Variants in STXBP4 observed in about 807,000 individuals in gnomAD.
STXBP4 encodes syntaxin binding protein 4.
STXBP4 carries 55 observed loss-of-function variants against 76.1 expected under a neutral mutation model. That is an observed-to-expected ratio of 0.72 (90% confidence interval 0.58 to 0.91). The LOEUF (loss-of-function observed/expected upper bound fraction) is 0.91. Ranked by LOEUF, STXBP4 falls within the 40% of genes least tolerant of loss-of-function variation. STXBP4 has a pLI of 0.00. For synonymous variants in STXBP4, 201 were observed against 220.2 expected (o/e 0.91, Z 0.77); for missense variants, 618 against 636.9 (o/e 0.97, Z 0.32).
At chr17:55,088,100 A>G (rs1260385133) in intron 16 of STXBP4, among the ~76,000 whole-genome samples, 1 of 152,242 alleles carries the variant, frequency 6.6e-6, no homozygotes, top group African/African-American at 2.4e-5. Flanking sequence ...TTTGTATGAC[A>G]TAGCTTTTCA....
intron 16 of STXBP4, among the ~76,000 whole-genome samples, chr17:55,099,471 G>T (rs1255529218): frequency 2.0e-5 from 3 of 152,188 alleles, no homozygotes; most frequent in Non-Finnish European, 4.4e-5. Flanking sequence ...CTTCAAGTAT[G>T]TATAGCAGAA....
chr17:55,136,968 T>C (rs552573637), intron 16 of STXBP4, among the ~76,000 whole-genome samples: 1 of 152,228 alleles, frequency 6.6e-6, no homozygotes, highest in Non-Finnish European at 1.5e-5. Context: ...AATGGTCTCC[T>C]TTCGTATATC....
intron 16 of STXBP4, among the ~76,000 whole-genome samples, chr17:55,137,282 T>G: frequency 8.8e-6 from 1 of 112,996 alleles, no homozygotes; most frequent in Non-Finnish European, 1.8e-5. Flanking sequence ...GTTCCCTCCC[T>G]CCCTCCCTCC....
At chr17:55,115,891 A>G (rs192535445) in intron 16 of STXBP4, among the ~76,000 whole-genome samples, 7 of 151,996 alleles carry the variant, frequency 4.6e-5, no homozygotes, top group Non-Finnish European at 7.4e-5. Context: ...ACTAAATTTG[A>G]CTAATCAGAC....
intron 9 of STXBP4, among the ~76,000 whole-genome samples, chr17:55,032,716 G>A (rs2078531047): frequency 6.6e-6 from 1 of 152,172 alleles, no homozygotes; most frequent in African/African-American, 2.4e-5. Context: ...CCAGCTGCAA[G>A]GGAGTTTGTG....
At chr17:55,085,122 A>G (rs1470749975) in intron 16 of STXBP4, among the ~76,000 whole-genome samples, 1 of 148,434 alleles carries the variant, frequency 6.7e-6, no homozygotes, top group Non-Finnish European at 1.5e-5. Flanking sequence ...AAAACCAAAC[A>G]CCGCATATTC....
At position 55,167,289 on chromosome 17, in the gene STXBP4, C is replaced by T. The variant is rs2080381733; in HGVS notation, c.*7378C>T. 6.6e-6 allele frequency: 1 copy of T among 152,116 alleles called. No homozygotes were observed. Among genetic ancestry groups the T allele is most frequent in the Non-Finnish European group, 1.5e-5 (1 of 68,024 alleles). The allele number at this position is 152,116 out of a possible 1,614,324, so 9.4% of individuals were successfully genotyped here. A position where few individuals can be genotyped will look rare whatever the true frequency, so the allele number is the denominator to read the frequency against. ...TTTATTTCTCATGCAAGACATGACA[C>T]AGTAAAATCTAATAAAAGTTTACAA... is the stretch of plus-strand genomic sequence containing the variant. On this transcript the variant is annotated 3_prime_UTR_variant, in exon 18 of 18. Transcript: ENST00000376352.
At chr17:55,061,792 A>G (rs939354046) in intron 12 of STXBP4, among the ~76,000 whole-genome samples, 2 of 152,180 alleles carry the variant, frequency 1.3e-5, no homozygotes, top group Non-Finnish European at 2.9e-5. Context: ...GGATTCGTCT[A>G]GATTCTTGTG....
At chr17:55,086,018 C>T (rs2079322214) in intron 16 of STXBP4, among the ~76,000 whole-genome samples, 1 of 152,044 alleles carries the variant, frequency 6.6e-6, no homozygotes, top group Admixed American at 6.6e-5. Context: ...TGGAGGGAAA[C>T]ACCTGCACAG....
intron 13 of STXBP4, among the ~76,000 whole-genome samples, chr17:55,075,239 T>C (rs1386148134): frequency 6.6e-6 from 1 of 152,162 alleles, no homozygotes; most frequent in African/African-American, 2.4e-5. Flanking sequence ...CTTAACAATA[T>C]GTTGTTTAGT....
At chr17:55,149,007 AG>A (rs1207028638) in intron 17 of STXBP4, among the ~76,000 whole-genome samples, 2 of 152,218 alleles carry the variant, frequency 1.3e-5, no homozygotes, top group African/African-American at 4.8e-5. Flanking sequence ...CTAGATAAGG[AG>A]AATATGTGTA....
At chr17:55,075,321 C>T (rs571984878) in intron 13 of STXBP4, among the ~76,000 whole-genome samples, 3 of 152,138 alleles carry the variant, frequency 2.0e-5, no homozygotes, top group South Asian at 2.1e-4. Context: ...TTTCTTCACT[C>T]GACATTTTGT....
chr17:55,047,185 C>CGTGT (rs34336794), intron 12 of STXBP4, 31 bp downstream of exon 12: 13,063 of 806,852 alleles, frequency 0.016, 172 homozygotes, highest in African/African-American at 0.072. Context: ...TATATGTGCT[C>CGTGT]GTGTGTGTGT....
At chr17:55,137,313 T>C (rs1333429686) in intron 16 of STXBP4, among the ~76,000 whole-genome samples, 1 of 136,822 alleles carries the variant, frequency 7.3e-6, no homozygotes, top group African/African-American at 2.6e-5. Flanking sequence ...CCTTCTGCTC[T>C]GCTCAGCATG....
chr17:55,019,653 T>C (rs1237871499), intron 8 of STXBP4, among the ~76,000 whole-genome samples: 1 of 152,342 alleles, frequency 6.6e-6, no homozygotes, highest in Middle Eastern at 3.4e-3. Flanking sequence ...TCTGACGTTT[T>C]GGGTGGTCAT....
chr17:55,101,344 C>G (rs2079562707), intron 16 of STXBP4, among the ~76,000 whole-genome samples: 1 of 152,246 alleles, frequency 6.6e-6, no homozygotes, highest in South Asian at 2.1e-4. Flanking sequence ...ACTTTTCTAT[C>G]TAATCAAAAG....
At chr17:55,152,457 G>T (rs947904365) in intron 17 of STXBP4, among the ~76,000 whole-genome samples, 1 of 152,140 alleles carries the variant, frequency 6.6e-6, no homozygotes, top group Non-Finnish European at 1.5e-5. Context: ...TTTTCACACT[G>T]CTATAAAGAT....
At chr17:55,031,558 A>C (rs1288990610) in intron 9 of STXBP4, among the ~76,000 whole-genome samples, 1 of 152,196 alleles carries the variant, frequency 6.6e-6, no homozygotes, top group Non-Finnish European at 1.5e-5. Flanking sequence ...TAACAAAAGA[A>C]ACAGTACAAA....
In STXBP4 at chr17:55,079,420, A is replaced by G. The variant is rs567099704; in HGVS notation, c.1355+685A>G. On this transcript the variant is annotated intron_variant, in intron 15 of 17. Transcript: ENST00000376352. ...TCTCATAATAGCTGCCACTAGTCCT[A>G]GATACATCTTCTACTTCTAGCAATA... 1.6e-4 allele frequency among the ~76,000 whole-genome samples: 25 copies of G among 152,198 alleles called. 1 individual carries two copies. The East Asian group carries it at 2.7e-3, about 16-fold the overall frequency.
Sources: gnomAD v4.1 joint callset for allele counts (sites outside exome capture counted in the v4.1 genomes callset) on GRCh38, gnomAD v4.1.1 for gene constraint, MANE v1.5 for transcripts, NCBI Gene and HGNC (gene_info 2026-07-23, HGNC 2026-07-21) for gene names.